The following ZMAT5 variants were observed in gnomAD, a reference collection of about 807,000 sequenced individuals.
ZMAT5 encodes the protein zinc finger matrin-type 5, also known as zinc finger matrin-type protein 5.
ZMAT5 carries 23 observed loss-of-function variants against 28.0 expected under a neutral mutation model. The ratio of observed to expected loss-of-function variants is 0.82; its 90% CI spans 0.59 to 1.16. The LOEUF (loss-of-function observed/expected upper bound fraction) is 1.16. Among genes scored for constraint, ZMAT5 ranks in the 50% most tolerant of loss-of-function variants. The pLI is 0.00. For synonymous variants in ZMAT5, 76 were observed against 84.1 expected (o/e 0.90, Z 0.52); for missense variants, 173 against 212.7 (o/e 0.81, Z 1.16).
intron 2 of ZMAT5, among the ~76,000 whole-genome samples, chr22:29,743,326 G>A (rs962585597): frequency 4.6e-5 from 7 of 152,116 alleles, no homozygotes; most frequent in African/African-American, 1.7e-4. Context: ...GGGCACTCAG[G>A]GCCAGACCAG....
rs996967221 is a variant in ZMAT5, at chr22:29,740,747, G to A, written c.191-17C>T. On this transcript the variant is annotated splice_polypyrimidine_tract_variant and intron_variant, in intron 3 of 5. Coordinates refer to ENST00000344318, the MANE Select transcript of ZMAT5 (RefSeq NM_001003692.2). ...CGCACTGGCCTGCAGCAGGAAGACAGAGTTACTCGCTGCTCGGGAGGGGCT... is the reference window on the plus strand; with the variant it reads ...CGCACTGGCCTGCAGCAGGAAGACAAAGTTACTCGCTGCTCGGGAGGGGCT... The A allele has an allele frequency of 7.6e-6, 12 of 1,582,346 alleles. No homozygotes were observed. The highest frequency in any genetic ancestry group is 1.0e-5 in the Non-Finnish European group (12 of 1,164,032).
At position 29,731,374 on chromosome 22, in the gene ZMAT5, C is replaced by G. The variant is rs371225696; in HGVS notation, c.384-20G>C. 21 of 1,541,818 alleles carry G rather than the reference C, an allele frequency of 1.4e-5. No homozygotes were observed. The Middle Eastern group carries it at 1.3e-3, about 99-fold the overall frequency. On this transcript the variant is annotated intron_variant, in intron 5 of 5. Coordinates refer to ENST00000344318, the MANE Select transcript of ZMAT5 (RefSeq NM_001003692.2). Reference sequence around the variant, plus strand: ...TCAGCCCTAGAGAGAGAGAGAGAAGCGGGGAGAATAAGAGTGCACTACAGC... The same window carrying G: ...TCAGCCCTAGAGAGAGAGAGAGAAGGGGGGAGAATAAGAGTGCACTACAGC...
At chr22:29,765,479 G>A (rs1016722503) in intron 1 of ZMAT5, among the ~76,000 whole-genome samples, 6 of 151,896 alleles carry the variant, frequency 4.0e-5, no homozygotes. Flanking sequence ...TCTTTCCTGT[G>A]CACCCTACAC....
At chr22:29,743,545 C>T (rs998003053) in intron 2 of ZMAT5, among the ~76,000 whole-genome samples, 1 of 152,208 alleles carries the variant, frequency 6.6e-6, no homozygotes, top group African/African-American at 2.4e-5. Context: ...ATCCTTCCCC[C>T]TCAGCCTCCC....
At position 29,759,211 on chromosome 22, in the gene ZMAT5, G is replaced by C. The variant is rs190584988; in HGVS notation, c.-28+7661C>G. ...CAAATAGGAAAGGTAAAAATAGTCT[G>C]AATGAGGCTCCTGAACCAGATACTT... On this transcript the variant is annotated intron_variant, in intron 1 of 5. Coordinates refer to ENST00000344318, the MANE Select transcript of ZMAT5 (RefSeq NM_001003692.2). Among the ~76,000 whole-genome samples, 156 of 152,280 alleles carry C rather than the reference G, an allele frequency of 1.0e-3. 2 individuals are homozygous for C. Among genetic ancestry groups the C allele is most frequent in the African/African-American group, 3.7e-3 (153 of 41,564 alleles).
At chr22:29,739,598 C>G (rs1224641618) in intron 4 of ZMAT5, among the ~76,000 whole-genome samples, 2 of 152,242 alleles carry the variant, frequency 1.3e-5, no homozygotes, top group Non-Finnish European at 2.9e-5. Context: ...CTGTTCCCAG[C>G]CTCCCTGGGC....
chr22:29,731,119 C>A lies in ZMAT5; in HGVS notation c.*106G>T. 1 of 1,255,724 alleles carries A rather than the reference C, an allele frequency of 8.0e-7. No homozygotes were observed. Among genetic ancestry groups the A allele is most frequent in the Non-Finnish European group, 1.1e-6 (1 of 946,828 alleles). The allele number at this position is 1,255,724 out of a possible 1,614,324, so 77.8% of individuals were successfully genotyped here. ...TGTCCTGAGCCTCAGTGAGGCTGGG[C>A]AGATGGTCTCGGAGCCTCCATGGGG... On this transcript the variant is annotated 3_prime_UTR_variant, in exon 6 of 6. Transcript: ENST00000344318.
In ZMAT5 at chr22:29,731,260, C is replaced by T; in HGVS notation, c.478G>A (p.Gly160Arg). 1.3e-6 allele frequency: 2 copies of T among 1,517,608 alleles called. No individual in the cohort carries two copies. Among genetic ancestry groups the T allele is most frequent in the Non-Finnish European group, 1.7e-6 (2 of 1,146,374 alleles). The allele number at this position is 1,517,608 out of a possible 1,614,324, so 94.0% of individuals were successfully genotyped here. A position where few individuals can be genotyped will look rare whatever the true frequency, so the allele number is the denominator to read the frequency against. ...PPSLRAPPPG[G>R]WPLQPRVQWG ...TGGACTCTGGGCTGCAGAGGCCACCCCCCAGGTGGGGGTGCCCGCAGGGAT... is the reference window on the plus strand; with the variant it reads ...TGGACTCTGGGCTGCAGAGGCCACCTCCCAGGTGGGGGTGCCCGCAGGGAT... The change falls in exon 6 of 6, where the codon GGG (glycine) becomes AGG (arginine). Residue 160 changes from glycine to arginine, a missense_variant. Coordinates refer to ENST00000344318, the MANE Select transcript of ZMAT5 (RefSeq NM_001003692.2).
intron 1 of ZMAT5, among the ~76,000 whole-genome samples, chr22:29,764,674 T>C (rs1455564616): frequency 6.6e-6 from 1 of 152,140 alleles, no homozygotes. Flanking sequence ...CTAATTTTTT[T>C]GTATTTTTAG....
intron 1 of ZMAT5, among the ~76,000 whole-genome samples, chr22:29,755,980 T>TGA (rs2068098274): frequency 1.3e-5 from 2 of 152,252 alleles, no homozygotes; most frequent in Non-Finnish European, 2.9e-5. Context: ...GGGCAAACAT[T>TGA]TGCGCTTCAT....
rs186795979 is a variant in ZMAT5 at position 29,737,857 on chromosome 22, C to A, written c.383+473G>T. Among the ~76,000 whole-genome samples the A allele has an allele frequency of 3.1e-3, 469 of 150,698 alleles. 1 individual carries two copies. Among genetic ancestry groups the A allele is most frequent in the Non-Finnish European group, 5.4e-3 (365 of 67,818 alleles). On this transcript the variant is annotated intron_variant, in intron 5 of 5. Transcript: ENST00000344318. ...CCCGAGGGCTGGGGCCATCTCCAGACCCCCTTCCTTAGAAAGGCAGTGGGA... is the reference window on the plus strand; with the variant it reads ...CCCGAGGGCTGGGGCCATCTCCAGAACCCCTTCCTTAGAAAGGCAGTGGGA...
At chr22:29,749,305 C>T (rs1569338470) in intron 1 of ZMAT5, among the ~76,000 whole-genome samples, 3 of 151,978 alleles carry the variant, frequency 2.0e-5, no homozygotes, top group African/African-American at 4.8e-5. Context: ...GTCTCCTGGG[C>T]TCAAGTGTCC....
intron 2 of ZMAT5, among the ~76,000 whole-genome samples, chr22:29,743,031 C>A (rs771143828): frequency 6.6e-6 from 1 of 152,086 alleles, no homozygotes; most frequent in Non-Finnish European, 1.5e-5. Flanking sequence ...TGGGCTCACA[C>A]GATCCTCCCA....
At chr22:29,758,308 T>C (rs899983796) in intron 1 of ZMAT5, among the ~76,000 whole-genome samples, 6 of 152,156 alleles carry the variant, frequency 3.9e-5, no homozygotes, top group Non-Finnish European at 8.8e-5. Flanking sequence ...AGAAACAGTA[T>C]GAGAAAATAA....
rs371225696 is a variant in ZMAT5 at position 29,731,374 on chromosome 22, C to T, written c.384-20G>A. On this transcript the variant is annotated intron_variant, in intron 5 of 5. Transcript: ENST00000344318. ...TCAGCCCTAGAGAGAGAGAGAGAAG[C>T]GGGGAGAATAAGAGTGCACTACAGC... 2.9e-5 allele frequency: 44 copies of T among 1,541,818 alleles called. No homozygotes were observed. The highest frequency in any genetic ancestry group is 4.3e-5 in the African/African-American group (3 of 69,932).
intron 5 of ZMAT5, among the ~76,000 whole-genome samples, chr22:29,734,427 AC>A (rs1189730332): frequency 2.0e-5 from 3 of 152,174 alleles, no homozygotes; most frequent in African/African-American, 4.8e-5. Context: ...GGAAGCAGAT[AC>A]CCTGAGAGGA....
chr22:29,738,445 T>C lies in ZMAT5; in HGVS notation c.272-4A>G, dbSNP rs1168094740. ...CACTCCCTGGCTCGCCTCTCCTCTG[T>C]GGGGACAGGGAGACAAAGGCAAGTG... On this transcript the variant is annotated splice_polypyrimidine_tract_variant and splice_region_variant and intron_variant, in intron 4 of 5. Transcript: ENST00000344318. 1.2e-6 allele frequency: 2 copies of C among 1,608,444 alleles called. No individual in the cohort carries two copies.
intron 5 of ZMAT5, among the ~76,000 whole-genome samples, chr22:29,734,360 A>C (rs1304045278): frequency 6.6e-6 from 1 of 152,164 alleles, no homozygotes; most frequent in East Asian, 1.9e-4. Flanking sequence ...TGGAGCCCGC[A>C]GGTCTCGGTT....
At chr22:29,744,442 G>A (rs539331988) in intron 2 of ZMAT5, among the ~76,000 whole-genome samples, 27 of 152,096 alleles carry the variant, frequency 1.8e-4, no homozygotes, top group African/African-American at 6.5e-4. Context: ...CATGCCAGGG[G>A]GACCAGCAGG....
Sources: gnomAD v4.1 joint callset for allele counts (sites outside exome capture counted in the v4.1 genomes callset) on GRCh38, gnomAD v4.1.1 for gene constraint, MANE v1.5 for transcripts, NCBI Gene and HGNC (gene_info 2026-07-23, HGNC 2026-07-21) for gene names.